The following CDKL3 variants were observed in gnomAD, a reference collection of about 807,000 sequenced individuals.
CDKL3 encodes cyclin dependent kinase like 3.
A neutral mutation model predicts 69.3 loss-of-function variants in CDKL3; 65 were observed. That is an observed-to-expected ratio of 0.94 (90% confidence interval 0.77 to 1.15). The LOEUF is 1.15. Ranked by LOEUF, CDKL3 falls within the 50% of genes most tolerant of loss-of-function variation. The probability of loss-of-function intolerance (pLI) is 0.00; values close to 1 mark genes in which losing one functional copy is unlikely to be tolerated. For synonymous variants in CDKL3, 202 were observed against 221.6 expected, an observed-to-expected ratio of 0.91 and a Z score of 0.79; for missense variants, 652 against 689.2, an observed-to-expected ratio of 0.95 and a Z score of 0.61.
At chr5:134,302,270 A>G (rs1766541610) in intron 12 of CDKL3, 1 of 460,444 alleles carries the variant, frequency 2.2e-6, no homozygotes, top group Non-Finnish European at 4.3e-6. Context: ...GCTTGTGGCC[A>G]TATAACCATA....
chr5:134,331,254 G>T (rs2149522063), intron 4 of CDKL3, among the ~76,000 whole-genome samples: 1 of 152,204 alleles, frequency 6.6e-6, no homozygotes, highest in African/African-American at 2.4e-5. Context: ...TGAATGGTCT[G>T]CTGCTGCAGG....
rs1310952297 is a variant in CDKL3 at position 134,366,343 on chromosome 5, GGCAAAA to G, written c.165+10_165+15del. The G allele has an allele frequency of 2.0e-6, 3 of 1,530,794 alleles. No homozygotes were observed. The highest frequency in any genetic ancestry group is 2.6e-6 in the Non-Finnish European group (3 of 1,143,080). 94.8% of individuals were successfully genotyped at this position (1,530,794 alleles called of 1,614,324 possible). On this transcript the variant is annotated intron_variant, in intron 2 of 12. Transcript: ENST00000265334. Reference sequence around the variant, plus strand: ...TTTTTCTTTTGACTTAGATGATTAAGGCAAAAGAAGCAAACCTTTAGAAACTTTATT... The same window carrying G: ...TTTTTCTTTTGACTTAGATGATTAAGGAAGCAAACCTTTAGAAACTTTATT...
chr5:134,357,038 C>T (rs1754778309), intron 3 of CDKL3, among the ~76,000 whole-genome samples: 1 of 152,106 alleles, frequency 6.6e-6, no homozygotes, highest in South Asian at 2.1e-4. Context: ...ACTTATTGTA[C>T]CATCTGTCTA....
chr5:134,315,827 C>T (rs185943340), intron 6 of CDKL3, among the ~76,000 whole-genome samples: 5 of 152,000 alleles, frequency 3.3e-5, no homozygotes, highest in Middle Eastern at 3.4e-3. Context: ...TCTCAAATAA[C>T]AATAATAATA....
chr5:134,290,597 G>C (rs574262838), intron 8 of CDKL3, among the ~76,000 whole-genome samples: 14 of 152,304 alleles, frequency 9.2e-5, no homozygotes, highest in Non-Finnish European at 1.9e-4. Flanking sequence ...GGCATACTGT[G>C]TAGGGCTGTG....
chr5:134,284,528 A>C (rs1213114139), downstream of CDKL3, among the ~76,000 whole-genome samples: 2 of 152,208 alleles, frequency 1.3e-5, no homozygotes, highest in Non-Finnish European at 2.9e-5. Flanking sequence ...AAACATCTTA[A>C]CAGGAAAGAG....
At chr5:134,344,989 C>T (rs1305354744) in intron 4 of CDKL3, among the ~76,000 whole-genome samples, 2 of 152,046 alleles carry the variant, frequency 1.3e-5, no homozygotes, top group African/African-American at 4.8e-5. Context: ...TGCTTGAACC[C>T]AGGAGGCGGA....
At chr5:134,324,359 T>C (rs1362129213) in intron 4 of CDKL3, among the ~76,000 whole-genome samples, 1 of 152,180 alleles carries the variant, frequency 6.6e-6, no homozygotes. Context: ...CCCAAGTGAG[T>C]AGAACACTTC....
chr5:134,327,212 T>C (rs773575913), intron 4 of CDKL3, among the ~76,000 whole-genome samples: 6 of 149,204 alleles, frequency 4.0e-5, no homozygotes, highest in Non-Finnish European at 7.4e-5. Flanking sequence ...ACAATGGTTC[T>C]ACCTTGAATG....
At chr5:134,362,906 CGACA>C (rs1479556279) in intron 2 of CDKL3, among the ~76,000 whole-genome samples, 1 of 152,108 alleles carries the variant, frequency 6.6e-6, no homozygotes. Flanking sequence ...CCAGCCTGGG[CGACA>C]GACAGAGTAA....
rs574726359 is a variant in CDKL3, at chr5:134,360,080, G to T, written c.177C>A (p.His59Gln). The change falls in exon 3 of 13, where the codon CAC becomes CAA. Residue 59 changes from histidine to glutamine, a missense_variant. By Grantham distance (24) the His-to-Gln change is conservative. Transcript: ENST00000265334. ...CTTCAATCAGATTGACCAGGTTTTC[G>T]TGATGAAATTGCTATTGACAAAAGA... The part of the protein sequence containing the change: ...REIKFLKQFH[H>Q]ENLVNLIEVF... The T allele has an allele frequency of 8.4e-5, 128 of 1,532,134 alleles. No individual in the cohort carries two copies. Among genetic ancestry groups the T allele is most frequent in the Non-Finnish European group, 1.1e-4 (126 of 1,141,716 alleles). 94.9% of individuals were successfully genotyped at this position (1,532,134 alleles called of 1,614,324 possible).
chr5:134,287,898 T>C (rs964528593), intron 8 of CDKL3, among the ~76,000 whole-genome samples: 2 of 150,880 alleles, frequency 1.3e-5, no homozygotes, highest in African/African-American at 4.9e-5. Context: ...AACTTTACTT[T>C]TTTTTTTTTT....
chr5:134,305,272 C>CT (rs1359803125), intron 10 of CDKL3, among the ~76,000 whole-genome samples: 1 of 152,046 alleles, frequency 6.6e-6, no homozygotes, highest in African/African-American at 2.4e-5. Flanking sequence ...CCACACACGA[C>CT]TAATTTATTT....
intron 8 of CDKL3, among the ~76,000 whole-genome samples, chr5:134,292,617 T>C (rs1765169823): frequency 1.3e-5 from 2 of 151,550 alleles, no homozygotes. Flanking sequence ...CTCAATAAAA[T>C]AGAAAACAAA....
chr5:134,309,742 C>A (rs1768885204), intron 7 of CDKL3, among the ~76,000 whole-genome samples: 1 of 152,116 alleles, frequency 6.6e-6, no homozygotes, highest in Admixed American at 6.5e-5. Flanking sequence ...TACTTTCACC[C>A]CACAATAATA....
chr5:134,324,763 T>C (rs1210570168), intron 4 of CDKL3, among the ~76,000 whole-genome samples: 1 of 152,206 alleles, frequency 6.6e-6, no homozygotes, highest in Non-Finnish European at 1.5e-5. Context: ...TATGATACTA[T>C]AATGATGGAT....
At chr5:134,318,411 C>A (rs1771761312) in intron 6 of CDKL3, among the ~76,000 whole-genome samples, 1 of 151,970 alleles carries the variant, frequency 6.6e-6, no homozygotes. Context: ...AAAAATAGGT[C>A]CCTAACTGGG....
Position 134,306,681 on chromosome 5 carries a change from C to G in CDKL3, c.1386G>C (p.Lys462Asn). The change falls in exon 10 of 13, where the codon AAG (lysine) becomes AAC (asparagine). Residue 462 changes from lysine (K) to asparagine (N), a missense_variant. Lys to Asn is a moderately conservative substitution (Grantham distance 94). Coordinates refer to ENST00000265334, the MANE Select transcript of CDKL3 (RefSeq NM_001113575.2). ...PSVRLTERAK[K>N]RRTSSQSIGQ... is the part of the protein sequence containing the mutation. ...CAATAGATTGTGAAGAAGTGCGTCT[C>G]TTTTTTGCTCTTTCAGTTAACCTAT... 2 of 1,506,954 alleles carry G rather than the reference C, an allele frequency of 1.3e-6. No homozygotes were observed. The highest frequency in any genetic ancestry group is 1.8e-6 in the Non-Finnish European group (2 of 1,129,590). 93.3% of individuals were successfully genotyped at this position (1,506,954 alleles called of 1,614,324 possible). A position where few individuals can be genotyped will look rare whatever the true frequency, so the allele number is the denominator to read the frequency against.
At chr5:134,340,454 T>C (rs983763717) in intron 4 of CDKL3, among the ~76,000 whole-genome samples, 1 of 151,908 alleles carries the variant, frequency 6.6e-6, no homozygotes, top group African/African-American at 2.4e-5. Flanking sequence ...TCAACAAAAT[T>C]GAAAAACATT....
Sources: gnomAD v4.1 joint callset for allele counts (sites outside exome capture counted in the v4.1 genomes callset) on GRCh38, gnomAD v4.1.1 for gene constraint, MANE v1.5 for transcripts, NCBI Gene and HGNC (gene_info 2026-07-23, HGNC 2026-07-21) for gene names.